The following LDHAL6A variants were observed in gnomAD, a reference collection of about 807,000 sequenced individuals.
LDHAL6A encodes the protein lactate dehydrogenase A like 6A, also known as L-lactate dehydrogenase A-like 6A.
LDHAL6A carries 19 observed loss-of-function variants against 28.2 expected under a neutral mutation model. That is an observed-to-expected ratio of 0.67 (90% CI 0.47 to 0.99). The LOEUF is 0.99. LDHAL6A is among the 50% of genes least tolerant of loss of function. The pLI is 0.00. For synonymous variants in LDHAL6A, 144 were observed against 134.4 expected (o/e 1.07, Z -0.49); for missense variants, 372 against 398.6 (o/e 0.93, Z 0.57).
chr11:18,463,918 CAA>C lies in LDHAL6A; in HGVS notation c.127-42_127-41del, dbSNP rs528860833. The C allele has an allele frequency of 1.5e-4, 191 of 1,242,728 alleles. No homozygotes were observed. In the African/African-American group the frequency reaches 2.6e-3, roughly 17 times the overall value. The allele number at this position is 1,242,728 out of a possible 1,614,324, so 77.0% of individuals were successfully genotyped here. A position where few individuals can be genotyped will look rare whatever the true frequency, so the allele number is the denominator to read the frequency against. On this transcript the variant is annotated intron_variant, in intron 1 of 6. Transcript: ENST00000280706. ...AATTTTCTTTCATTCTCCAGTTAAT[CAA>C]GAGATACACTCACACCCATTGGACT...
At chr11:18,464,982 T>TTG (rs1849020097) in intron 2 of LDHAL6A, among the ~76,000 whole-genome samples, 2 of 136,860 alleles carry the variant, frequency 1.5e-5, no homozygotes, top group Admixed American at 7.2e-5. Flanking sequence ...TTTTTGTTTT[T>TTG]TTTTGTTTTG....
chr11:18,469,829 TACAAA>T (rs199525657), intron 3 of LDHAL6A, among the ~76,000 whole-genome samples: 2 of 152,072 alleles, frequency 1.3e-5, no homozygotes, highest in Non-Finnish European at 2.9e-5. Context: ...ATTACTCTAA[TACAAA>T]ACAAAAACAA....
chr11:18,477,763 A>G lies in LDHAL6A; in HGVS notation c.834+20A>G. ...AGTAAGGTAGGACATTCATGTTCGA[A>G]AAATCATTAACTCAACATAAAATAG... On this transcript the variant is annotated intron_variant, in intron 6 of 6. Transcript: ENST00000280706. The G allele has an allele frequency of 5.1e-6, 8 of 1,579,978 alleles. No individual in the cohort carries two copies. The highest frequency in any genetic ancestry group is 6.9e-6 in the Non-Finnish European group (8 of 1,166,580).
At chr11:18,465,532 C>T in intron 2 of LDHAL6A, 105 bp from the exon 3 acceptor site, 1 of 847,808 alleles carries the variant, frequency 1.2e-6, no homozygotes, top group Admixed American at 3.0e-5. Context: ...TTAAGGGAAC[C>T]CACTCTTTGG....
At chr11:18,478,438 T>TACA (rs1211576975) in intron 6 of LDHAL6A, among the ~76,000 whole-genome samples, 1 of 152,104 alleles carries the variant, frequency 6.6e-6, no homozygotes, top group Non-Finnish European at 1.5e-5. Flanking sequence ...TGTGTGCCTG[T>TACA]AGTCCCAGCT....
intron 3 of LDHAL6A, among the ~76,000 whole-genome samples, chr11:18,472,855 T>C (rs529745204): frequency 2.0e-5 from 3 of 152,212 alleles, no homozygotes; most frequent in Non-Finnish European, 2.9e-5. Context: ...ACTGAGCCTG[T>C]AAGAAAATAA....
At chr11:18,465,937 C>G in intron 3 of LDHAL6A, 127 bp downstream of exon 3, 1 of 685,710 alleles carries the variant, frequency 1.5e-6, no homozygotes, top group Non-Finnish European at 2.4e-6. Flanking sequence ...AGGTACTGAG[C>G]AAAGTACCTA....
chr11:18,463,366 C>A (rs147053825), intron 1 of LDHAL6A, among the ~76,000 whole-genome samples: 1 of 152,282 alleles, frequency 6.6e-6, no homozygotes, highest in East Asian at 1.9e-4. Context: ...TCTGCAGAGT[C>A]TCCTCCAGCA....
chr11:18,477,318 G>A (rs1223484649), intron 5 of LDHAL6A, among the ~76,000 whole-genome samples: 5 of 152,050 alleles, frequency 3.3e-5, no homozygotes, highest in South Asian at 2.1e-4. Flanking sequence ...AATTAGCCAC[G>A]CATGGTGGCG....
chr11:18,468,412 C>G (rs1321700797), intron 3 of LDHAL6A: 1 of 151,380 alleles, frequency 6.6e-6, no homozygotes, highest in East Asian at 1.9e-4. Flanking sequence ...GATCTCGGCT[C>G]ATTGCAACCT....
intron 3 of LDHAL6A, chr11:18,469,274 C>G (rs1849199955): frequency 1.8e-6 from 1 of 557,124 alleles, no homozygotes; most frequent in Admixed American, 3.6e-5. Context: ...CCCCAACCTA[C>G]TTTGATTTGC....
At chr11:18,465,970 TCTCA>T (rs1445436009) in intron 3 of LDHAL6A, among the ~76,000 whole-genome samples, 160 bp downstream of exon 3, 2 of 152,176 alleles carry the variant, frequency 1.3e-5, no homozygotes, top group East Asian at 3.8e-4. Context: ...CCCTTGCTGC[TCTCA>T]CTCCCTCCCT....
intron 3 of LDHAL6A, among the ~76,000 whole-genome samples, chr11:18,468,074 TA>T (rs1465313176): frequency 7.6e-5 from 10 of 131,504 alleles, no homozygotes; most frequent in East Asian, 2.2e-4. Flanking sequence ...TATATATATA[TA>T]TATTTTGCTT....
intron 6 of LDHAL6A, among the ~76,000 whole-genome samples, chr11:18,478,050 G>A (rs1314861036): frequency 6.6e-6 from 1 of 152,164 alleles, no homozygotes; most frequent in Non-Finnish European, 1.5e-5. Flanking sequence ...GCAGACCTTG[G>A]TACCTTTGGA....
Position 18,463,950 on chromosome 11 carries a change from A to G in LDHAL6A, c.127-11A>G, listed in dbSNP as rs577857511. 6 of 1,579,554 alleles carry G rather than the reference A, an allele frequency of 3.8e-6. No individual in the cohort carries two copies. Among genetic ancestry groups the G allele is most frequent in the South Asian group, 3.3e-5 (3 of 90,290 alleles). ...TACACTCACACCCATTGGACTAACA[A>G]TGTTTTTCAGGGTTTGAGTGATGAA... is the stretch of plus-strand genomic sequence containing the variant. On this transcript the variant is annotated splice_polypyrimidine_tract_variant and intron_variant, in intron 1 of 6. Coordinates refer to ENST00000280706, the MANE Select transcript of LDHAL6A (RefSeq NM_144972.5).
chr11:18,475,355 T>C, intron 3 of LDHAL6A, 111 bp from the exon 4 acceptor site: 1 of 826,524 alleles, frequency 1.2e-6, no homozygotes. Flanking sequence ...GAGAACCATG[T>C]TTCTTGCCTC....
intron 1 of LDHAL6A, among the ~76,000 whole-genome samples, chr11:18,461,631 A>T (rs1002349309): frequency 2.0e-5 from 3 of 151,478 alleles, no homozygotes; most frequent in African/African-American, 7.3e-5. Context: ...CAGGCAAATC[A>T]TGAGGTTAGG....
intron 3 of LDHAL6A, among the ~76,000 whole-genome samples, chr11:18,470,586 T>A (rs1849233451): frequency 1.3e-5 from 2 of 152,354 alleles, no homozygotes; most frequent in South Asian, 4.1e-4. Flanking sequence ...TGGCAAATCA[T>A]GGATAAAAAC....
intron 2 of LDHAL6A, among the ~76,000 whole-genome samples, chr11:18,464,702 T>G: frequency 1.4e-5 from 2 of 141,898 alleles, no homozygotes; most frequent in African/African-American, 5.4e-5. Context: ...GCAACAAGAG[T>G]GAAACTCTGT....
Sources: allele counts gnomAD v4.1 joint callset (sites outside exome capture counted in the v4.1 genomes callset), GRCh38; gene constraint gnomAD v4.1.1; transcripts MANE v1.5; gene names NCBI Gene and HGNC (gene_info 2026-07-23, HGNC 2026-07-21).